HS3ST3A1: variants seen among roughly 807,000 people sequenced by gnomAD.
HS3ST3A1 encodes heparan sulfate-glucosamine 3-sulfotransferase 3A1.
HS3ST3A1 carries 19 observed loss-of-function variants against 25.7 expected under a neutral mutation model. The observed-to-expected ratio is 0.74, with a 90% CI of 0.52 to 1.08. HS3ST3A1 has a LOEUF of 1.08. Ranked by LOEUF, HS3ST3A1 falls within the 50% of genes least tolerant of loss-of-function variation. The pLI is 0.00. For missense variants in HS3ST3A1, 459 were observed against 594.3 expected, an observed-to-expected ratio of 0.77 and a Z score of 2.37; for synonymous variants, 226 against 278.6, an observed-to-expected ratio of 0.81 and a Z score of 1.88.
At chr17:13,578,356 C>A (rs904616211) in intron 1 of HS3ST3A1, among the ~76,000 whole-genome samples, 3 of 146,606 alleles carry the variant, frequency 2.0e-5, no homozygotes, top group African/African-American at 5.1e-5. Context: ...AAGACCAGCC[C>A]GGCCAACACG....
chr17:13,562,806 TGCCC>T (rs1907582292), intron 1 of HS3ST3A1, among the ~76,000 whole-genome samples: 1 of 152,166 alleles, frequency 6.6e-6, no homozygotes, highest in Non-Finnish European at 1.5e-5. Context: ...CCAGTCGATG[TGCCC>T]TGTGACCGTA....
chr17:13,566,807 A>G (rs2142369919), intron 1 of HS3ST3A1, among the ~76,000 whole-genome samples: 1 of 152,336 alleles, frequency 6.6e-6, no homozygotes, highest in African/African-American at 2.4e-5. Context: ...CAGAAAAAAA[A>G]AGTGTGAAGT....
intron 1 of HS3ST3A1, among the ~76,000 whole-genome samples, chr17:13,569,606 T>C (rs1003168801): frequency 7.2e-5 from 11 of 152,182 alleles, no homozygotes; most frequent in African/African-American, 2.7e-4. Flanking sequence ...AGCCATGCCC[T>C]GCCAGCTCCT....
chr17:13,544,825 T>C (rs16948066), intron 1 of HS3ST3A1, among the ~76,000 whole-genome samples: 13,817 of 151,150 alleles, frequency 0.091, 653 homozygotes, highest in South Asian at 0.12. Flanking sequence ...GGAACCCTGA[T>C]TGGAGATTGT....
intron 1 of HS3ST3A1, among the ~76,000 whole-genome samples, chr17:13,550,070 G>A (rs964159514): frequency 3.9e-5 from 6 of 152,118 alleles, no homozygotes; most frequent in African/African-American, 7.2e-5. Context: ...AGCATGCATT[G>A]TGAATTTGCT....
chr17:13,560,052 G>A (rs958559880), intron 1 of HS3ST3A1, among the ~76,000 whole-genome samples: 28 of 151,462 alleles, frequency 1.8e-4, no homozygotes, highest in African/African-American at 6.3e-4. Context: ...CACTTTGGGA[G>A]GCCGAGGCAG....
chr17:13,504,690 G>C (rs1156472201), intron 1 of HS3ST3A1, among the ~76,000 whole-genome samples: 2 of 152,166 alleles, frequency 1.3e-5, no homozygotes, highest in Non-Finnish European at 1.5e-5. Context: ...ATCCCATAAT[G>C]CTCCAAGAAA....
At chr17:13,586,447 G>A (rs1908270007) in intron 1 of HS3ST3A1, among the ~76,000 whole-genome samples, 1 of 151,524 alleles carries the variant, frequency 6.6e-6, no homozygotes, top group South Asian at 2.1e-4. Context: ...AGCCTTCAAT[G>A]CCCCCTCCTC....
intron 1 of HS3ST3A1, among the ~76,000 whole-genome samples, chr17:13,519,697 G>C (rs545494939): frequency 6.6e-6 from 1 of 152,124 alleles, no homozygotes; most frequent in African/African-American, 2.4e-5. Flanking sequence ...TAAGTAAGTG[G>C]ATTCTGATGT....
intron 1 of HS3ST3A1, among the ~76,000 whole-genome samples, chr17:13,561,409 C>T (rs1907545026): frequency 1.4e-5 from 2 of 147,762 alleles, no homozygotes. Context: ...TTTTTGGAGA[C>T]AGAACCTTGC....
chr17:13,521,952 C>T (rs1906259105), intron 1 of HS3ST3A1, among the ~76,000 whole-genome samples: 1 of 152,116 alleles, frequency 6.6e-6, no homozygotes, highest in African/African-American at 2.4e-5. Context: ...CCAGTAGCAA[C>T]CTCCCTTCCC....
At chr17:13,563,449 A>C (rs190037175) in intron 1 of HS3ST3A1, among the ~76,000 whole-genome samples, 10 of 152,254 alleles carry the variant, frequency 6.6e-5, no homozygotes, top group Admixed American at 2.6e-4. Context: ...GCTGGGGCCA[A>C]GGGAATTGGA....
intron 1 of HS3ST3A1, among the ~76,000 whole-genome samples, chr17:13,522,403 C>T (rs566989859): frequency 3.3e-5 from 5 of 152,176 alleles, no homozygotes; most frequent in Non-Finnish European, 5.9e-5. Flanking sequence ...ATATGGTTTT[C>T]TTTCAACAAC....
chr17:13,500,566 T>A (rs115610395), intron 1 of HS3ST3A1, among the ~76,000 whole-genome samples: 1,751 of 152,292 alleles, frequency 0.011, 31 homozygotes, highest in African/African-American at 0.039. Context: ...AACTGGATGA[T>A]GGGAGGCATA....
intron 1 of HS3ST3A1, among the ~76,000 whole-genome samples, chr17:13,523,206 G>GA (rs1231248829): frequency 2.6e-5 from 4 of 152,040 alleles, no homozygotes; most frequent in South Asian, 2.1e-4. Flanking sequence ...TTCTAGAAAA[G>GA]AAAAAAACAA....
chr17:13,544,989 C>T (rs8082242), intron 1 of HS3ST3A1, among the ~76,000 whole-genome samples: 133,542 of 152,232 alleles, frequency 0.88, 58,871 homozygotes, highest in African/African-American at 0.96. Flanking sequence ...TGTCAGATAA[C>T]TGTTTATGAA....
chr17:13,500,592 T>G (rs1024520874), intron 1 of HS3ST3A1, among the ~76,000 whole-genome samples: 1 of 152,206 alleles, frequency 6.6e-6, no homozygotes, highest in African/African-American at 2.4e-5. Flanking sequence ...TAGGAGAACT[T>G]TCTTTCCAAG....
rs148117542 is a variant in HS3ST3A1 at position 13,561,222 on chromosome 17, G to T, written c.599+39309C>A. Among the ~76,000 whole-genome samples, 14 of 152,184 alleles carry T rather than the reference G, an allele frequency of 9.2e-5. No homozygotes were observed. The East Asian group carries it at 2.5e-3, about 27-fold the overall frequency. ...CAAGCAGCCAGAATTGAGACCCATTGCCCTAGAGGAAAGGAAGTTTGGACT... is the reference window on the plus strand; with the variant it reads ...CAAGCAGCCAGAATTGAGACCCATTTCCCTAGAGGAAAGGAAGTTTGGACT... On this transcript the variant is annotated intron_variant, in intron 1 of 1. Coordinates refer to ENST00000284110, the MANE Select transcript of HS3ST3A1 (RefSeq NM_006042.3).
intron 1 of HS3ST3A1, among the ~76,000 whole-genome samples, chr17:13,525,866 CT>C (rs767343402): frequency 6.2e-4 from 93 of 149,340 alleles, no homozygotes; most frequent in East Asian, 1.2e-3. Context: ...AAATGTTACC[CT>C]TTTTTTTTTC....
Sources: gnomAD v4.1 joint callset for allele counts (sites outside exome capture counted in the v4.1 genomes callset) on GRCh38, gnomAD v4.1.1 for gene constraint, MANE v1.5 for transcripts, NCBI Gene and HGNC (gene_info 2026-07-23, HGNC 2026-07-21) for gene names.